Variants in RAB38 observed in about 807,000 individuals in gnomAD.
The protein encoded by RAB38 is RAB38, member RAS oncogene family, also known as ras-related protein Rab-38.
RAB38 carries 15 observed loss-of-function variants against 18.4 expected under a neutral mutation model. That is an observed-to-expected ratio of 0.82 (90% CI 0.55 to 1.26). The LOEUF is 1.26. RAB38 is among the 50% of genes most tolerant of loss of function. The pLI, the probability that RAB38 is intolerant of heterozygous loss-of-function variation, is 0.00. For synonymous variants in RAB38, 101 were observed against 104.4 expected (o/e 0.97, Z 0.20); for missense variants, 294 against 267.4 (o/e 1.10, Z -0.69).
the RAB38 span, among the ~76,000 whole-genome samples, chr11:88,046,813 A>G: frequency 6.6e-6 from 1 of 152,192 alleles, no homozygotes; most frequent in South Asian, 2.1e-4. Context: ...AGCTGACCCC[A>G]TAGATCCTAA....
the RAB38 span, among the ~76,000 whole-genome samples, chr11:88,063,046 C>A: frequency 6.6e-6 from 1 of 152,024 alleles, no homozygotes; most frequent in Non-Finnish European, 1.5e-5. Context: ...ATGTTTCAAT[C>A]GAATAAACTG....
At chr11:87,818,982 ATTATAAAT>A in the RAB38 span, among the ~76,000 whole-genome samples, 1 of 152,172 alleles carries the variant, frequency 6.6e-6, no homozygotes, top group Non-Finnish European at 1.5e-5. Context: ...AAAGGAAAAA[ATTATAAAT>A]TTATAAACTA....
the RAB38 span, among the ~76,000 whole-genome samples, chr11:87,804,690 C>G: frequency 1.3e-5 from 2 of 152,080 alleles, 1 homozygote; most frequent in Admixed American, 1.3e-4. Context: ...CAAAACTTAT[C>G]TGGGAATTCC....
At chr11:88,077,943 G>A in the RAB38 span, among the ~76,000 whole-genome samples, 1 of 152,054 alleles carries the variant, frequency 6.6e-6, no homozygotes. Flanking sequence ...ATATTGAGTT[G>A]TTGAGCTCAA....
chr11:88,097,637 C>T, the RAB38 span, among the ~76,000 whole-genome samples: 2 of 151,846 alleles, frequency 1.3e-5, no homozygotes, highest in Non-Finnish European at 2.9e-5. Context: ...TCATTCGCTA[C>T]TACAGAAAGA....
At chr11:88,038,352 C>T in the RAB38 span, among the ~76,000 whole-genome samples, 3 of 152,286 alleles carry the variant, frequency 2.0e-5, no homozygotes, top group South Asian at 2.1e-4. Context: ...CAGACCACAT[C>T]GCAATTGCAA....
At chr11:88,035,494 A>T in the RAB38 span, among the ~76,000 whole-genome samples, 1 of 152,154 alleles carries the variant, frequency 6.6e-6, no homozygotes, top group South Asian at 2.1e-4. Flanking sequence ...TCACAAGGCG[A>T]GGTCCCACAA....
At chr11:87,807,175 C>T in the RAB38 span, among the ~76,000 whole-genome samples, 1 of 152,186 alleles carries the variant, frequency 6.6e-6, no homozygotes, top group Non-Finnish European at 1.5e-5. Flanking sequence ...CCATCCCCCA[C>T]AAAAATCTGT....
chr11:88,109,666 T>C (rs552009945), downstream of RAB38, among the ~76,000 whole-genome samples: 2 of 152,076 alleles, frequency 1.3e-5, no homozygotes, highest in East Asian at 1.9e-4. Flanking sequence ...AACTTAAACA[T>C]ATTTACAAGA....
the RAB38 span, among the ~76,000 whole-genome samples, chr11:87,952,720 G>C: frequency 6.6e-6 from 1 of 152,190 alleles, no homozygotes; most frequent in African/African-American, 2.4e-5. Context: ...CCAGGGATTG[G>C]AGAGTTCAGG....
At chr11:88,126,104 T>C (rs1591158254) in intron 2 of RAB38, among the ~76,000 whole-genome samples, 1 of 152,208 alleles carries the variant, frequency 6.6e-6, no homozygotes, top group Non-Finnish European at 1.5e-5. Context: ...TACCATGCTG[T>C]TTTGGTTACT....
the RAB38 span, among the ~76,000 whole-genome samples, chr11:87,864,220 G>A: frequency 6.6e-6 from 1 of 151,540 alleles, no homozygotes; most frequent in Non-Finnish European, 1.5e-5. Flanking sequence ...TTTCTTAGTT[G>A]TGTCAGTCCC....
At chr11:88,042,548 G>A in the RAB38 span, among the ~76,000 whole-genome samples, 1 of 152,170 alleles carries the variant, frequency 6.6e-6, no homozygotes, top group African/African-American at 2.4e-5. Context: ...TAATTCCCAG[G>A]CACAGTGCCT....
At position 88,132,126 on chromosome 11, in the gene RAB38, C is replaced by A. The variant is rs190823320; in HGVS notation, c.483+17549G>T. 4.7e-4 allele frequency among the ~76,000 whole-genome samples: 72 copies of A among 152,314 alleles called. 1 individual carries two copies. In the South Asian group the frequency reaches 7.7e-3, roughly 16 times the overall value. On this transcript the variant is annotated intron_variant, in intron 2 of 2. Transcript: ENST00000243662. The stretch of plus-strand genomic sequence containing the variant: ...ATAAGAATCTGAGTAAAGGACCCAA[C>A]CAACCTGTGCTAGGACTACTGACCC...
the RAB38 span, among the ~76,000 whole-genome samples, chr11:87,841,958 C>T: frequency 0.031 from 4,746 of 152,078 alleles, 227 homozygotes; most frequent in African/African-American, 0.11. Flanking sequence ...TCTTTTTCTT[C>T]CTTTCTTTTA....
At chr11:87,831,273 C>T in the RAB38 span, among the ~76,000 whole-genome samples, 5,292 of 152,044 alleles carry the variant, frequency 0.035, 289 homozygotes, top group African/African-American at 0.12. Flanking sequence ...ATGCACACAC[C>T]GTACCCCAAA....
At chr11:87,975,203 G>A in the RAB38 span, among the ~76,000 whole-genome samples, 1 of 151,834 alleles carries the variant, frequency 6.6e-6, no homozygotes, top group African/African-American at 2.4e-5. Flanking sequence ...AATCCAAGAT[G>A]ATTTTATCTG....
chr11:87,949,575 T>TTGTGGTA, the RAB38 span, among the ~76,000 whole-genome samples: 93 of 152,292 alleles, frequency 6.1e-4, no homozygotes, highest in Non-Finnish European at 1.1e-3. Context: ...GTCCCAGAGA[T>TTGTGGTA]TGTGGTATGT....
chr11:88,114,742 G>GT (rs1942525476), intron 2 of RAB38, among the ~76,000 whole-genome samples: 1 of 152,136 alleles, frequency 6.6e-6, no homozygotes, highest in Non-Finnish European at 1.5e-5. Context: ...TCAGTTTCCT[G>GT]TTTTTTCTGT....
Sources: allele counts gnomAD v4.1 joint callset (sites outside exome capture counted in the v4.1 genomes callset), GRCh38; gene constraint gnomAD v4.1.1; transcripts MANE v1.5; gene names NCBI Gene and HGNC (gene_info 2026-07-23, HGNC 2026-07-21).